The following C4B variants were observed in gnomAD, a reference collection of about 807,000 sequenced individuals.
C4B encodes the protein complement C4-B.
C4B carries 6 observed loss-of-function variants against 46.2 expected under a neutral mutation model. That is an observed-to-expected ratio of 0.13 (90% CI 0.07 to 0.26). The LOEUF (loss-of-function observed/expected upper bound fraction) is 0.26. Ranked by LOEUF, C4B falls within the 10% of genes least tolerant of loss-of-function variation. C4B has a pLI of 1.00. For synonymous variants in C4B, 61 were observed against 240.1 expected, an observed-to-expected ratio of 0.25 and a Z score of 6.90; for missense variants, 119 against 560.9, an observed-to-expected ratio of 0.21 and a Z score of 7.96.
rs1775708945 is a variant in C4B at position 32,028,548 on chromosome 6, T to G, written c.3230+16T>G. ...GCAGCACCTGGTGAGCTTGGGAGAG[T>G]GGTTCCAGGGTTCTGAGGGGGTCAG... is the stretch of plus-strand genomic sequence containing the variant. On this transcript the variant is annotated intron_variant, in intron 25 of 40. Coordinates refer to ENST00000435363, the MANE Select transcript of C4B (RefSeq NM_001002029.4). 1 of 1,533,970 alleles carries G rather than the reference T, an allele frequency of 6.5e-7. No homozygotes were observed. The highest frequency in any genetic ancestry group is 1.1e-5 in the South Asian group (1 of 88,164).
In C4B at chr6:32,028,751, C is replaced by T; in HGVS notation, c.3289C>T (p.Pro1097Ser). The T allele has an allele frequency of 6.4e-7, 1 of 1,558,426 alleles. No homozygotes were observed. Among genetic ancestry groups the T allele is most frequent in the East Asian group, 2.3e-5 (1 of 43,608 alleles). ...GGCCCAGGAGCAGGTAGGAGGCTCG[C>T]CTGAGAAACTGCAGGAGACATCTAA... is the stretch of plus-strand genomic sequence containing the variant. ...SLAQEQVGGS[P>S]EKLQETSNWL... Residue 1097 changes from proline to serine, a missense_variant, in exon 26 of 41, where the codon CCT (proline) becomes TCT (serine). Coordinates refer to ENST00000435363, the MANE Select transcript of C4B (RefSeq NM_001002029.4).
chr6:32,028,881 G>C (rs563202573), intron 26 of C4B, 32 bp downstream of exon 26: 1 of 1,565,136 alleles, frequency 6.4e-7, no homozygotes, highest in South Asian at 1.1e-5. Flanking sequence ...CCCGAGAAGC[G>C]CCTGTCGGAG....
At position 32,028,530 on chromosome 6, in the gene C4B, C is replaced by G. The variant is rs1425192675; in HGVS notation, c.3228C>G (p.Thr1076=). The G allele has an allele frequency of 1.9e-6, 3 of 1,538,802 alleles. 1 individual carries two copies. Among genetic ancestry groups the G allele is most frequent in the Non-Finnish European group, 2.7e-6 (3 of 1,124,202 alleles). ...CTTGGTTGTCACGGGGCAGCAGCACCTGGTGAGCTTGGGAGAGTGGTTCCA... is the reference window on the plus strand; with the variant it reads ...CTTGGTTGTCACGGGGCAGCAGCACGTGGTGAGCTTGGGAGAGTGGTTCCA... The part of the protein sequence containing the change: ...YAAWLSRGSS[T]WLTAFVLKVL... Residue 1076 remains threonine, a splice_region_variant and synonymous_variant, in exon 25 of 41, where the codon ACC becomes ACG. Coordinates refer to ENST00000435363, the MANE Select transcript of C4B (RefSeq NM_001002029.4).
chr6:32,028,999 G>A lies in C4B; in HGVS notation c.3442G>A (p.Ala1148Thr), dbSNP rs756439916. 11 of 1,553,502 alleles carry A rather than the reference G, an allele frequency of 7.1e-6. No homozygotes were observed. Among genetic ancestry groups the A allele is most frequent in the African/African-American group, 1.4e-5 (1 of 71,118 alleles). The change falls in exon 27 of 41, where the codon GCC (alanine) becomes ACC (threonine). Residue 1148 changes from alanine (A) to threonine (T), a missense_variant. By Grantham distance (58) the Ala-to-Thr change is moderately conservative (BLOSUM62 0). Coordinates refer to ENST00000435363, the MANE Select transcript of C4B (RefSeq NM_001002029.4). The stretch of plus-strand genomic sequence containing the variant: ...GGCACTCACAGCCTTTGTGACCATC[G>A]CCCTTCATCATGGGCTGGCCGTCTT... ...TVALTAFVTI[A>T]LHHGLAVFQD...
chr6:32,028,587 G>A lies in C4B; in HGVS notation c.3230+55G>A. The A allele has an allele frequency of 4.7e-6, 7 of 1,488,492 alleles. 1 individual carries two copies. The highest frequency in any genetic ancestry group is 6.5e-6 in the Non-Finnish European group (7 of 1,084,378). The allele number at this position is 1,488,492 out of a possible 1,614,324, so 92.2% of individuals were successfully genotyped here. ...TGAGGGGGTCAGGGCTGGGGCAGGG[G>A]TGGGACAGAGCTGGTATGATGGGAG... On this transcript the variant is annotated intron_variant, in intron 25 of 40. Coordinates refer to ENST00000435363, the MANE Select transcript of C4B (RefSeq NM_001002029.4).
At position 32,028,835 on chromosome 6, in the gene C4B, C is replaced by G. The variant is rs2229400; in HGVS notation, c.3373C>G (p.His1125Asp). The G allele has an allele frequency of 1.3e-6, 2 of 1,561,924 alleles. 1 individual carries two copies. The highest frequency in any genetic ancestry group is 1.7e-6 in the Non-Finnish European group (2 of 1,144,398). The change falls in exon 26 of 41, where the codon CAT (histidine) becomes GAT (aspartate). Residue 1125 changes from histidine (H) to aspartate (D), a missense_variant. Transcript: ENST00000435363. ...GTTCCAGGACCTCTCTCCAGTGATA[C>G]ATAGGAGCATGCAGGTGCGGGCATG... Reference protein sequence around the residue: ...GSFQDLSPVIHRSMQGGLVGN... With the variant: ...GSFQDLSPVIDRSMQGGLVGN...
intron 27 of C4B, 31 bp downstream of exon 27, chr6:32,029,092 G>A (rs1775744760): frequency 1.9e-6 from 3 of 1,571,448 alleles, no homozygotes; most frequent in Non-Finnish European, 2.6e-6. Context: ...GCCCTCTGCT[G>A]GCCCCCAGCT....
At chr6:32,030,625 CT>C in intron 31 of C4B, 124 bp downstream of exon 31, 1 of 176,988 alleles carries the variant, frequency 5.7e-6, no homozygotes, top group Non-Finnish European at 9.4e-6. Flanking sequence ...GTGTCCCGTG[CT>C]TCCGTCCTGG....
chr6:32,029,154 C>T lies in C4B; in HGVS notation c.3505-13C>T, dbSNP rs756529942. The T allele has an allele frequency of 1.3e-5, 20 of 1,589,622 alleles. 1 individual carries two copies. The highest frequency in any genetic ancestry group is 2.7e-5 in the African/African-American group (2 of 73,446). On this transcript the variant is annotated splice_polypyrimidine_tract_variant and intron_variant, in intron 27 of 40. Transcript: ENST00000435363. ...GGGTCCAGGCCCAAGACCCTCCTCCCGTTTTCTTCCAGGAAGCCTCCATCT... is the reference window on the plus strand; with the variant it reads ...GGGTCCAGGCCCAAGACCCTCCTCCTGTTTTCTTCCAGGAAGCCTCCATCT...
chr6:32,028,498 T>A lies in C4B; in HGVS notation c.3196T>A (p.Tyr1066Asn). ...GCAGTTTCGGAAGGCGGATGGTTCC[T>A]ATGCGGCTTGGTTGTCACGGGGCAG... ...IQQFRKADGS[Y>N]AAWLSRGSST... Residue 1066 changes from tyrosine to asparagine, a missense_variant, in exon 25 of 41, where the codon TAT becomes AAT. Tyr to Asn is a moderately radical substitution (Grantham distance 143). Transcript: ENST00000435363. 2 of 1,535,284 alleles carry A rather than the reference T, an allele frequency of 1.3e-6. No homozygotes were observed. The highest frequency in any genetic ancestry group is 1.8e-6 in the Non-Finnish European group (2 of 1,122,712).
rs1385641336 is a variant in C4B, at chr6:32,028,292, G to A, written c.3154+15G>A. The A allele has an allele frequency of 1.8e-6, 1 of 569,012 alleles. No individual in the cohort carries two copies. Among genetic ancestry groups the A allele is most frequent in the East Asian group, 3.6e-5 (1 of 27,658 alleles). The allele number at this position is 569,012 out of a possible 1,614,324, so 35.2% of individuals were successfully genotyped here. On this transcript the variant is annotated intron_variant, in intron 24 of 40. Transcript: ENST00000435363. ...GATCCAGAAAGGTTCTGGGTGCAAG[G>A]GCAAGCAGGAGGGGGGCCAGGAAAG...
Position 32,029,258 on chromosome 6 carries a change from C to A in C4B, c.3596C>A (p.Ala1199Asp). ...CACGCAGCTGCCATCACGGCCTATG[C>A]CCTGACACTGACCAAGGCCCCTGCG... Reference protein sequence around the residue: ...GAHAAAITAYALTLTKAPADL... With the variant: ...GAHAAAITAYDLTLTKAPADL... Residue 1199 changes from alanine (A) to aspartate (D), a missense_variant, in exon 28 of 41, where the codon GCC (alanine) becomes GAC (aspartate). Transcript: ENST00000435363. 6.3e-7 allele frequency: 1 copy of A among 1,578,776 alleles called. No homozygotes were observed. The highest frequency in any genetic ancestry group is 8.7e-7 in the Non-Finnish European group (1 of 1,153,554).
intron 28 of C4B, 98 bp downstream of exon 28, chr6:32,029,436 A>C: frequency 1.3e-6 from 2 of 1,521,278 alleles, no homozygotes; most frequent in South Asian, 2.3e-5. Context: ...GACTCAGAGG[A>C]GGAATGAAGT....
In C4B at chr6:32,029,147, C is replaced by T. The variant is rs1229844657; in HGVS notation, c.3505-20C>T. On this transcript the variant is annotated intron_variant, in intron 27 of 40. Transcript: ENST00000435363. The stretch of plus-strand genomic sequence containing the variant: ...AACCCAGGGGTCCAGGCCCAAGACC[C>T]TCCTCCCGTTTTCTTCCAGGAAGCC... 1.9e-6 allele frequency: 3 copies of T among 1,589,184 alleles called. No individual in the cohort carries two copies. Among genetic ancestry groups the T allele is most frequent in the Non-Finnish European group, 2.6e-6 (3 of 1,162,540 alleles).
In C4B at chr6:32,028,707, T is replaced by G. The variant is rs558404699; in HGVS notation, c.3245T>G (p.Val1082Gly). Residue 1082 changes from valine (V) to glycine (G), a missense_variant, in exon 26 of 41, where the codon GTG (valine) becomes GGG (glycine). Val to Gly is a moderately radical substitution (Grantham distance 109). Transcript: ENST00000435363. ...RGSSTWLTAF[V>G]LKVLSLAQEQ... Reference sequence around the variant, plus strand: ...CTGCCCTCCAGGCTCACAGCCTTTGTGTTGAAGGTCCTGAGTTTGGCCCAG... The same window carrying G: ...CTGCCCTCCAGGCTCACAGCCTTTGGGTTGAAGGTCCTGAGTTTGGCCCAG... 2.6e-6 allele frequency: 4 copies of G among 1,548,174 alleles called. No individual in the cohort carries two copies. The African/African-American group carries it at 4.4e-5, about 17-fold the overall frequency.
Position 32,029,253 on chromosome 6 carries a change from C to A in C4B, c.3591C>A (p.Ala1197=). 1 of 1,584,584 alleles carries A rather than the reference C, an allele frequency of 6.3e-7. No individual in the cohort carries two copies. The highest frequency in any genetic ancestry group is 8.6e-7 in the Non-Finnish European group (1 of 1,157,974). Reference sequence around the variant, plus strand: ...GTGCCCACGCAGCTGCCATCACGGCCTATGCCCTGACACTGACCAAGGCCC... The same window carrying A: ...GTGCCCACGCAGCTGCCATCACGGCATATGCCCTGACACTGACCAAGGCCC... ...LLGAHAAAIT[A]YALTLTKAPA... The change falls in exon 28 of 41, where the codon GCC becomes GCA. Residue 1197 remains alanine, a synonymous_variant. Transcript: ENST00000435363.
chr6:32,027,162 G>A, intron 20 of C4B, 40 bp downstream of exon 20: 3 of 1,549,988 alleles, frequency 1.9e-6, no homozygotes, highest in Non-Finnish European at 2.7e-6. Context: ...GGAGTTGGGG[G>A]AGCCAGGGCC....
intron 25 of C4B, 39 bp downstream of exon 25, chr6:32,028,571 C>T: frequency 6.5e-7 from 1 of 1,533,184 alleles, no homozygotes; most frequent in Non-Finnish European, 8.9e-7. Context: ...CTGAGGGGGT[C>T]AGGGCTGGGG....
Position 32,028,524 on chromosome 6 carries a change from C to G in C4B, c.3222C>G (p.Ser1074Arg). The G allele has an allele frequency of 3.9e-6, 6 of 1,538,810 alleles. 1 individual carries two copies. The highest frequency in any genetic ancestry group is 5.3e-6 in the Non-Finnish European group (6 of 1,124,190). The change falls in exon 25 of 41, where the codon AGC becomes AGG. Residue 1074 changes from serine (S) to arginine (R), a missense_variant. By Grantham distance (110) the Ser-to-Arg change is moderately radical. Transcript: ENST00000435363. ...ATGCGGCTTGGTTGTCACGGGGCAGCAGCACCTGGTGAGCTTGGGAGAGTG... is the reference window on the plus strand; with the variant it reads ...ATGCGGCTTGGTTGTCACGGGGCAGGAGCACCTGGTGAGCTTGGGAGAGTG... ...GSYAAWLSRG[S>R]STWLTAFVLK...
Sources: gnomAD v4.1 joint callset for allele counts on GRCh38, gnomAD v4.1.1 for gene constraint, MANE v1.5 for transcripts, NCBI Gene and HGNC (gene_info 2026-07-23, HGNC 2026-07-21) for gene names.